The following TP63 variants were observed in gnomAD, a reference collection of about 807,000 sequenced individuals.
TP63 encodes tumor protein 63.
In TP63, 17 loss-of-function variants were observed where a neutral mutation model predicts 82.8. That is an observed-to-expected ratio of 0.21 (90% CI 0.14 to 0.31). The LOEUF is 0.31. Ranked by LOEUF, TP63 falls within the 10% of genes least tolerant of loss-of-function variation. The probability of loss-of-function intolerance (pLI) is 1.00; values close to 1 mark genes in which losing one functional copy is unlikely to be tolerated. For missense variants in TP63, 648 were observed against 895.3 expected, an observed-to-expected ratio of 0.72 and a Z score of 3.52; for synonymous variants, 330 against 321.7, an observed-to-expected ratio of 1.03 and a Z score of -0.28.
intron 1 of TP63, among the ~76,000 whole-genome samples, chr3:189,641,091 G>A (rs765989490): frequency 2.4e-4 from 36 of 152,026 alleles, no homozygotes; most frequent in Non-Finnish European, 4.9e-4. Flanking sequence ...GGGGGGACAA[G>A]GAACAATAGG....
At chr3:189,772,054 A>G (rs371304574) in intron 3 of TP63, among the ~76,000 whole-genome samples, 2 of 152,346 alleles carry the variant, frequency 1.3e-5, no homozygotes, top group East Asian at 3.9e-4. Context: ...TAATGAAGAC[A>G]GTTAAATAAA....
At position 189,791,793 on chromosome 3, in the gene TP63, T is replaced by C. The variant is rs780198927; in HGVS notation, c.325-16479T>C. Among the ~76,000 whole-genome samples, 11 of 152,118 alleles carry C rather than the reference T, an allele frequency of 7.2e-5. 1 individual carries two copies. The highest frequency in any genetic ancestry group is 1.3e-4 in the Non-Finnish European group (9 of 67,984). ...GATTATGCTTTCATATCTAGTCCTC[T>C]GTTAAAATTCAGTGCTACATCTGAG... On this transcript the variant is annotated intron_variant, in intron 3 of 13. Transcript: ENST00000264731.
chr3:189,721,491 A>C (rs1416146335), intron 1 of TP63, among the ~76,000 whole-genome samples: 1 of 151,236 alleles, frequency 6.6e-6, no homozygotes, highest in African/African-American at 2.4e-5. Context: ...TTTTCTCTGC[A>C]TTGCCCGTTG....
intron 4 of TP63, among the ~76,000 whole-genome samples, chr3:189,821,026 T>C (rs1192125071): frequency 6.6e-6 from 1 of 152,210 alleles, no homozygotes; most frequent in Non-Finnish European, 1.5e-5. Context: ...ATGAATAATA[T>C]GTAATTGTGT....
chr3:189,863,442 C>T (rs926288774), intron 4 of TP63, among the ~76,000 whole-genome samples: 6 of 152,126 alleles, frequency 3.9e-5, no homozygotes, highest in African/African-American at 1.2e-4. Context: ...TTCTCCAGCC[C>T]GTTTTGCCAA....
the TP63 span, among the ~76,000 whole-genome samples, chr3:189,602,694 T>C: frequency 6.6e-6 from 1 of 152,184 alleles, no homozygotes; most frequent in African/African-American, 2.4e-5. Flanking sequence ...CTGCAGGGAA[T>C]GGTTGTTGCA....
chr3:189,880,932 C>T (rs1719842698), intron 10 of TP63: 23 of 985,186 alleles, frequency 2.3e-5, no homozygotes, highest in Non-Finnish European at 2.8e-5. Context: ...AGACCTACTA[C>T]AAAAAAACTG....
intron 3 of TP63, among the ~76,000 whole-genome samples, chr3:189,761,277 G>T (rs919744127): frequency 3.3e-5 from 5 of 152,066 alleles, no homozygotes; most frequent in Admixed American, 3.3e-4. Flanking sequence ...CCAAACTTTT[G>T]TGCTGTTTCC....
intron 1 of TP63, among the ~76,000 whole-genome samples, chr3:189,715,117 T>G (rs1425845793): frequency 6.6e-6 from 1 of 152,098 alleles, no homozygotes; most frequent in Non-Finnish European, 1.5e-5. Context: ...GTTTCCTCCC[T>G]TTCTCCTCCC....
intron 4 of TP63, among the ~76,000 whole-genome samples, chr3:189,854,447 G>A (rs1174584946): frequency 6.6e-6 from 1 of 152,136 alleles, no homozygotes; most frequent in Non-Finnish European, 1.5e-5. Context: ...TGGTCAGGCT[G>A]GTCTCAAACT....
intron 11 of TP63, among the ~76,000 whole-genome samples, chr3:189,889,022 C>A (rs1482094395): frequency 6.6e-6 from 1 of 152,094 alleles, no homozygotes; most frequent in Non-Finnish European, 1.5e-5. Flanking sequence ...GAAATATCAC[C>A]CTCGAAGGCA....
intron 4 of TP63, among the ~76,000 whole-genome samples, chr3:189,809,254 ATTTTC>A (rs1221025524): frequency 2.0e-5 from 3 of 152,176 alleles, no homozygotes; most frequent in Non-Finnish European, 4.4e-5. Context: ...GAAGCATGGA[ATTTTC>A]TTTTCATAAA....
At chr3:189,751,222 A>G (rs1261186708) in intron 3 of TP63, among the ~76,000 whole-genome samples, 3 of 152,148 alleles carry the variant, frequency 2.0e-5, no homozygotes, top group South Asian at 2.1e-4. Flanking sequence ...TCTATCATTG[A>G]TGGACCTTTG....
At chr3:189,711,455 G>A (rs977518654) in intron 1 of TP63, among the ~76,000 whole-genome samples, 14 of 152,184 alleles carry the variant, frequency 9.2e-5, no homozygotes, top group African/African-American at 3.4e-4. Flanking sequence ...GGTGAGTGCT[G>A]ATGAGTGGTC....
chr3:189,629,978 G>A (rs549666107), upstream of TP63, among the ~76,000 whole-genome samples: 156 of 152,180 alleles, frequency 1.0e-3, 1 homozygote, highest in Non-Finnish European at 2.0e-3. Flanking sequence ...ATTTGGCTGG[G>A]GCTCAGGCTG....
rs1204956886 is a variant in TP63 at position 189,651,589 on chromosome 3, G to A, written c.62+20012G>A. On this transcript the variant is annotated intron_variant, in intron 1 of 13. Transcript: ENST00000264731. The stretch of plus-strand genomic sequence containing the variant: ...AAAGCAAAGAAAAACCCATTTTGGG[G>A]GGAGAAATTCAGGCCCAAGCTGGCT... Among the ~76,000 whole-genome samples the A allele has an allele frequency of 1.4e-5, 2 of 145,970 alleles. 1 individual carries two copies. Among genetic ancestry groups the A allele is most frequent in the East Asian group, 4.8e-4 (2 of 4,182 alleles).
the TP63 span, among the ~76,000 whole-genome samples, chr3:189,610,941 C>T: frequency 6.6e-6 from 1 of 152,228 alleles, no homozygotes; most frequent in Non-Finnish European, 1.5e-5. Context: ...AGGAAAACTC[C>T]CCCTTATAGC....
chr3:189,636,416 A>G (rs533446788), intron 1 of TP63, among the ~76,000 whole-genome samples: 5 of 152,256 alleles, frequency 3.3e-5, no homozygotes, highest in Middle Eastern at 3.4e-3. Context: ...ACTGTTCACA[A>G]CTAGAACTTT....
intron 4 of TP63, among the ~76,000 whole-genome samples, chr3:189,863,171 A>T (rs1717249091): frequency 6.6e-6 from 1 of 151,900 alleles, no homozygotes; most frequent in South Asian, 2.1e-4. Flanking sequence ...TACGATTGCA[A>T]CCTGTGTGTG....
Sources: allele counts gnomAD v4.1 joint callset (sites outside exome capture counted in the v4.1 genomes callset), GRCh38; gene constraint gnomAD v4.1.1; transcripts MANE v1.5; gene names NCBI Gene and HGNC (gene_info 2026-07-23, HGNC 2026-07-21).